SHROOM2: variants seen among roughly 807,000 people sequenced by gnomAD.
The protein encoded by SHROOM2 is protein Shroom2.
SHROOM2 carries 33 observed loss-of-function variants against 75.9 expected under a neutral mutation model. The observed-to-expected ratio is 0.43, with a 90% CI of 0.33 to 0.58. SHROOM2 has a LOEUF of 0.58. SHROOM2 is among the 20% of genes least tolerant of loss of function. The pLI is 0.04. For synonymous variants in SHROOM2, 655 were observed against 663.6 expected (o/e 0.99, Z 0.20); for missense variants, 1,434 against 1,461.2 (o/e 0.98, Z 0.30).
At chrX:9,819,720 C>T (rs183668560) in intron 1 of SHROOM2, among the ~76,000 whole-genome samples, 262 of 111,030 alleles carry the variant, frequency 2.4e-3, no homozygotes, top group Middle Eastern at 0.014. Context: ...TTGAAAAGCG[C>T]TGTCCTTCAT....
At chrX:9,900,136 G>T (rs936858765) in intron 5 of SHROOM2, among the ~76,000 whole-genome samples, 1 of 111,314 alleles carries the variant, frequency 9.0e-6, no homozygotes, top group East Asian at 2.8e-4. Context: ...CCACTCCAAA[G>T]AAATTAGTTC....
intron 1 of SHROOM2, among the ~76,000 whole-genome samples, chrX:9,792,858 C>T (rs1349330563): frequency 9.1e-6 from 1 of 109,748 alleles, no homozygotes; most frequent in Admixed American, 9.8e-5. Flanking sequence ...TACAGGCGCA[C>T]ACCACCACGC....
chrX:9,926,966 G>A (rs758000332), intron 5 of SHROOM2, among the ~76,000 whole-genome samples: 7 of 111,037 alleles, frequency 6.3e-5, no homozygotes, highest in Non-Finnish European at 9.4e-5. Context: ...GCACTCAGGC[G>A]CTGGAGTTCA....
intron 5 of SHROOM2, among the ~76,000 whole-genome samples, chrX:9,929,935 TC>T (rs1484824222): frequency 1.8e-5 from 2 of 111,400 alleles, no homozygotes; most frequent in Non-Finnish European, 3.8e-5. Flanking sequence ...TTTTGCTTCC[TC>T]CGTTTTCTCT....
At chrX:9,904,710 A>G (rs1166587142) in intron 5 of SHROOM2, among the ~76,000 whole-genome samples, 1 of 111,851 alleles carries the variant, frequency 8.9e-6, no homozygotes, top group Non-Finnish European at 1.9e-5. Flanking sequence ...TGGGGCTTTC[A>G]CCTTTCTCCA....
At chrX:9,882,777 G>C in intron 2 of SHROOM2, among the ~76,000 whole-genome samples, 1 of 112,201 alleles carries the variant, frequency 8.9e-6, no homozygotes, top group East Asian at 2.8e-4. Context: ...CGTGAATGCT[G>C]CTGCTGGGCC....
At chrX:9,829,525 C>T (rs1318494859) in intron 1 of SHROOM2, among the ~76,000 whole-genome samples, 1 of 111,723 alleles carries the variant, frequency 9.0e-6, no homozygotes, top group Non-Finnish European at 1.9e-5. Flanking sequence ...TGATGGGGGC[C>T]GCTGTTGATC....
intron 5 of SHROOM2, among the ~76,000 whole-genome samples, chrX:9,916,528 T>A: frequency 8.9e-6 from 1 of 112,122 alleles, no homozygotes. Context: ...CACGTTGCCC[T>A]CCAAAAAGTG....
chrX:9,935,474 C>A (rs1006886946), intron 6 of SHROOM2, among the ~76,000 whole-genome samples: 8 of 111,285 alleles, frequency 7.2e-5, no homozygotes. Context: ...GCCACTGTGC[C>A]TAGCCAGGGT....
chrX:9,938,957 T>G (rs1000390972), intron 7 of SHROOM2, among the ~76,000 whole-genome samples: 1 of 112,256 alleles, frequency 8.9e-6, no homozygotes, highest in African/African-American at 3.2e-5. Context: ...CTTATTTGAG[T>G]TTTTGCCTTT....
At chrX:9,869,865 T>C (rs2084162244) in intron 1 of SHROOM2, among the ~76,000 whole-genome samples, 1 of 112,212 alleles carries the variant, frequency 8.9e-6, no homozygotes, top group Admixed American at 9.5e-5. Flanking sequence ...GTTTTTTGTT[T>C]TAATTTTTGT....
At chrX:9,922,082 C>T (rs897838119) in intron 5 of SHROOM2, among the ~76,000 whole-genome samples, 1 of 111,889 alleles carries the variant, frequency 8.9e-6, no homozygotes, top group African/African-American at 3.2e-5. Flanking sequence ...GAAATGAGTT[C>T]TCTGTCTGTT....
intron 2 of SHROOM2, among the ~76,000 whole-genome samples, chrX:9,884,608 C>T (rs1428310463): frequency 1.9e-5 from 2 of 103,952 alleles, no homozygotes; most frequent in Non-Finnish European, 3.9e-5. Flanking sequence ...CTCAAACATA[C>T]AGCTGTTGTT....
intron 1 of SHROOM2, among the ~76,000 whole-genome samples, chrX:9,823,760 T>C (rs1353358398): frequency 5.2e-5 from 5 of 95,858 alleles, no homozygotes; most frequent in African/African-American, 1.8e-4. Flanking sequence ...TTTTTTCTTT[T>C]TTCTTTTTTT....
Position 9,932,696 on chromosome X carries a change from A to C in SHROOM2, c.3413A>C (p.His1138Pro), listed in dbSNP as rs751943061. ...KATVCERGSQHVSGDASRPLP... is the reference protein window; with the variant it reads ...KATVCERGSQPVSGDASRPLP... The stretch of plus-strand genomic sequence containing the variant: ...ACTGTCTGTGAGCGTGGAAGCCAGC[A>C]TGTGAGCGGGGACGCATCACGTCCT... The change falls in exon 6 of 10, where the codon CAT becomes CCT. Residue 1138 changes from histidine (H) to proline (P), a missense_variant. His to Pro is a moderately conservative substitution (Grantham distance 77). Around this residue, in one of 3 missense-constraint regions of SHROOM2, gnomAD observed 1,340 missense variants for 1,338.3 expected, o/e 1.00. Coordinates refer to ENST00000380913, the MANE Select transcript of SHROOM2 (RefSeq NM_001649.4). 1.7e-6 allele frequency: 2 copies of C among 1,211,660 alleles called. No individual in the cohort carries two copies. Among genetic ancestry groups the C allele is most frequent in the Non-Finnish European group, 2.2e-6 (2 of 895,515 alleles).
At chrX:9,811,428 A>C (rs905523401) in intron 1 of SHROOM2, among the ~76,000 whole-genome samples, 3 of 111,553 alleles carry the variant, frequency 2.7e-5, no homozygotes, top group Non-Finnish European at 5.7e-5. Context: ...TTAAAATCCT[A>C]CTCTACTGAG....
chrX:9,937,068 G>A (rs920496004), intron 6 of SHROOM2, 66 bp from the exon 7 acceptor site: 4 of 1,066,033 alleles, frequency 3.8e-6, no homozygotes, highest in Non-Finnish European at 5.0e-6. Flanking sequence ...GAGGGCAGGG[G>A]ACACGTCAAT....
intron 1 of SHROOM2, among the ~76,000 whole-genome samples, chrX:9,809,813 C>T (rs1298858516): frequency 1.8e-5 from 2 of 111,550 alleles, no homozygotes; most frequent in Non-Finnish European, 3.8e-5. Flanking sequence ...GGACTACAGG[C>T]GTGCACCACG....
intron 1 of SHROOM2, among the ~76,000 whole-genome samples, chrX:9,845,793 C>T (rs2084003330): frequency 9.2e-6 from 1 of 109,016 alleles, no homozygotes; most frequent in Non-Finnish European, 1.9e-5. Flanking sequence ...CAACCCCTTC[C>T]TCTACATTTT....
Sources: allele counts gnomAD v4.1 joint callset (sites outside exome capture counted in the v4.1 genomes callset), GRCh38; gene constraint gnomAD v4.1.1; regional missense constraint gnomAD v4.1.1; transcripts MANE v1.5; gene names NCBI Gene and HGNC (gene_info 2026-07-23, HGNC 2026-07-21).